Variants in CKAP5 observed in about 807,000 individuals in gnomAD.
CKAP5 encodes cytoskeleton-associated protein 5.
In CKAP5, 27 loss-of-function variants were observed where a neutral mutation model predicts 232.8. That is an observed-to-expected ratio of 0.12 (90% CI 0.09 to 0.16). The LOEUF (loss-of-function observed/expected upper bound fraction) is 0.16. Ranked by LOEUF, CKAP5 falls within the 10% of genes least tolerant of loss-of-function variation. The pLI is 1.00. For missense variants in CKAP5, 1,838 were observed against 2,424.7 expected, an observed-to-expected ratio of 0.76 and a Z score of 5.08; for synonymous variants, 785 against 841.1, an observed-to-expected ratio of 0.93 and a Z score of 1.16.
chr11:46,831,861 C>CTTTTTTTT (rs71042624), intron 1 of CKAP5, among the ~76,000 whole-genome samples: 1 of 119,056 alleles, frequency 8.4e-6, no homozygotes, highest in African/African-American at 3.3e-5. Context: ...TAAACTTATC[C>CTTTTTTTT]TTTTTTTTTT....
At chr11:46,775,595 G>A (rs1242242937) in intron 24 of CKAP5, among the ~76,000 whole-genome samples, 1 of 152,178 alleles carries the variant, frequency 6.6e-6, no homozygotes, top group African/African-American at 2.4e-5. Context: ...TGTTAGACTG[G>A]ATAAAGAAAA....
At chr11:46,842,966 C>CG (rs1940094858) in intron 1 of CKAP5, among the ~76,000 whole-genome samples, 3 of 39,430 alleles carry the variant, frequency 7.6e-5, no homozygotes, top group African/African-American at 3.4e-4. Context: ...GACTCCGTCT[C>CG]AAAAAAAAAA....
chr11:46,790,990 C>G (rs985688263), intron 13 of CKAP5, among the ~76,000 whole-genome samples: 1 of 152,016 alleles, frequency 6.6e-6, no homozygotes. Flanking sequence ...GTCACACACT[C>G]CCTTAAAAAT....
At chr11:46,753,882 G>A (rs1388500373) in intron 36 of CKAP5, among the ~76,000 whole-genome samples, 2 of 151,692 alleles carry the variant, frequency 1.3e-5, no homozygotes, top group Admixed American at 6.6e-5. Context: ...GTGAGCCACC[G>A]CGCCCGGCTA....
chr11:46,780,978 A>G (rs773705222), intron 18 of CKAP5, among the ~76,000 whole-genome samples: 3 of 152,162 alleles, frequency 2.0e-5, no homozygotes, highest in Non-Finnish European at 4.4e-5. Context: ...TGACAATCCT[A>G]TTATGCTTAA....
intron 4 of CKAP5, among the ~76,000 whole-genome samples, chr11:46,811,692 G>C (rs1054244343): frequency 9.9e-5 from 15 of 152,016 alleles, no homozygotes; most frequent in African/African-American, 3.4e-4. Flanking sequence ...GGCCAGGCTG[G>C]TCTGGAACTC....
chr11:46,785,901 C>T (rs1188845447), intron 16 of CKAP5, among the ~76,000 whole-genome samples: 1 of 152,122 alleles, frequency 6.6e-6, no homozygotes, highest in Non-Finnish European at 1.5e-5. Flanking sequence ...GACATGTTGA[C>T]ACCACTGCAC....
intron 1 of CKAP5, among the ~76,000 whole-genome samples, chr11:46,822,383 C>T (rs1939554041): frequency 6.6e-6 from 1 of 152,098 alleles, no homozygotes; most frequent in Admixed American, 6.5e-5. Context: ...AATTGCTGAG[C>T]TAAATGGCCT....
intron 40 of CKAP5, 21 bp downstream of exon 40, chr11:46,751,097 C>T (rs1359658778): frequency 3.1e-6 from 5 of 1,613,824 alleles, no homozygotes; most frequent in African/African-American, 2.7e-5. Flanking sequence ...GTCCCTCAAT[C>T]TTTCAAGTCA....
In CKAP5 at chr11:46,790,664, A is replaced by G. The variant is rs147554977; in HGVS notation, c.1651-81T>C. ...GTTTTTTATTTTTATTTTTTTTGAGACAGTGTCTCATATTGTTGTCGAGCC... is the reference window on the plus strand; with the variant it reads ...GTTTTTTATTTTTATTTTTTTTGAGGCAGTGTCTCATATTGTTGTCGAGCC... On this transcript the variant is annotated intron_variant, in intron 13 of 43. Transcript: ENST00000529230. 1,280 of 989,840 alleles carry G rather than the reference A, an allele frequency of 1.3e-3. 10 individuals are homozygous for G. In the African/African-American group the frequency reaches 0.019, roughly 15 times the overall value. 61.3% of individuals were successfully genotyped at this position (989,840 alleles called of 1,614,324 possible).
In CKAP5 at chr11:46,808,114, C is replaced by T; in HGVS notation, c.895G>A (p.Ala299Thr). Residue 299 changes from alanine to threonine, a missense_variant, in exon 8 of 44, where the codon GCC (alanine) becomes ACC (threonine). Coordinates refer to ENST00000529230, the MANE Select transcript of CKAP5 (RefSeq NM_001008938.4). ...EAKKWQERKE[A>T]LESVEVLIKN... ...ATTAGTACTTCTACAGACTCCAGGG[C>T]CTCTTTTCTCTCTTGCCATTTTTTT... 1.9e-6 allele frequency: 3 copies of T among 1,613,554 alleles called. No individual in the cohort carries two copies. The highest frequency in any genetic ancestry group is 2.2e-5 in the South Asian group (2 of 90,972).
At chr11:46,790,014 C>T (rs2134637988) in intron 15 of CKAP5, 62 bp downstream of exon 15, 2 of 1,079,132 alleles carry the variant, frequency 1.9e-6, no homozygotes, top group East Asian at 4.8e-5. Flanking sequence ...CTTCATTCAT[C>T]AATTTCGCTG....
chr11:46,827,847 G>T (rs540828741), intron 1 of CKAP5, among the ~76,000 whole-genome samples: 1 of 152,306 alleles, frequency 6.6e-6, no homozygotes, highest in South Asian at 2.1e-4. Flanking sequence ...TAGTCTCTGA[G>T]ATCTCCAAAG....
At chr11:46,817,563 C>T (rs1282322924) in intron 3 of CKAP5, among the ~76,000 whole-genome samples, 2 of 152,056 alleles carry the variant, frequency 1.3e-5, no homozygotes, top group African/African-American at 2.4e-5. Context: ...GTAAAGGAAA[C>T]CCAGTGATGC....
intron 1 of CKAP5, among the ~76,000 whole-genome samples, chr11:46,838,731 T>C (rs200311084): frequency 1.1e-4 from 15 of 132,574 alleles, no homozygotes; most frequent in South Asian, 7.1e-4. Flanking sequence ...GAGGTGAAGG[T>C]TGCAGTAAGC....
Position 46,752,692 on chromosome 11 carries a change from G to T in CKAP5, c.5076C>A (p.Leu1692=), listed in dbSNP as rs139448951. The T allele has an allele frequency of 2.5e-3, 3,961 of 1,612,404 alleles. 5 individuals are homozygous for T. Among genetic ancestry groups the T allele is most frequent in the Non-Finnish European group, 3.1e-3 (3,628 of 1,179,002 alleles). ...TGGCTGTTGCTAGCAGGCTGTCTTG[G>T]AGCAAAACAAGTAGGGCACTGGAAG... ...TNILSALLVL[L]QDSLLATASS... is the part of the protein sequence containing the mutation. Residue 1692 remains leucine (L), a synonymous_variant, in exon 38 of 44, where the codon CTC becomes CTA. Transcript: ENST00000529230.
At chr11:46,798,223 T>C (rs897365889) in intron 9 of CKAP5, 51 bp from the exon 10 acceptor site, 7 of 1,229,384 alleles carry the variant, frequency 5.7e-6, no homozygotes, top group East Asian at 2.3e-5. Flanking sequence ...AGGAATGATA[T>C]ATTGATATAT....
chr11:46,799,853 C>T (rs1378439177), intron 9 of CKAP5, among the ~76,000 whole-genome samples: 1 of 151,944 alleles, frequency 6.6e-6, no homozygotes, highest in Non-Finnish European at 1.5e-5. Context: ...ACAAAAAGTA[C>T]TCAAGCATGG....
chr11:46,786,545 T>C (rs543976990), intron 16 of CKAP5, among the ~76,000 whole-genome samples: 1 of 152,320 alleles, frequency 6.6e-6, no homozygotes, highest in East Asian at 1.9e-4. Context: ...GTGGCAACTG[T>C]TTAACATCTA....
Sources: gnomAD v4.1 joint callset for allele counts (sites outside exome capture counted in the v4.1 genomes callset) on GRCh38, gnomAD v4.1.1 for gene constraint, MANE v1.5 for transcripts, NCBI Gene and HGNC (gene_info 2026-07-23, HGNC 2026-07-21) for gene names.